The following KCTD16 variants were observed in gnomAD, a reference collection of about 807,000 sequenced individuals.
KCTD16 encodes potassium channel tetramerization domain containing 16, also known as BTB/POZ domain-containing protein KCTD16.
In KCTD16, 13 loss-of-function variants were observed where a neutral mutation model predicts 33.2. That is an observed-to-expected ratio of 0.39 (90% CI 0.25 to 0.62). The LOEUF is 0.62. Ranked by LOEUF, KCTD16 falls within the 20% of genes least tolerant of loss-of-function variation. KCTD16 has a pLI of 0.50. For synonymous variants in KCTD16, 197 were observed against 195.3 expected (o/e 1.01, Z -0.07); for missense variants, 441 against 525.1 (o/e 0.84, Z 1.57).
chr5:144,455,116 C>T (rs932477039), intron 3 of KCTD16, among the ~76,000 whole-genome samples: 30 of 152,146 alleles, frequency 2.0e-4, no homozygotes, highest in African/African-American at 6.7e-4. Context: ...TCCTTACCTC[C>T]AGCTTCTGTC....
intron 3 of KCTD16, among the ~76,000 whole-genome samples, chr5:144,362,339 A>G (rs572678938): frequency 1.8e-4 from 28 of 152,292 alleles, no homozygotes; most frequent in African/African-American, 6.5e-4. Flanking sequence ...ATGTTCATTT[A>G]CTATTTGAAT....
At chr5:144,196,339 T>C (rs1292384468) in intron 2 of KCTD16, among the ~76,000 whole-genome samples, 1 of 152,154 alleles carries the variant, frequency 6.6e-6, no homozygotes, top group Admixed American at 6.5e-5. Flanking sequence ...CATCAGTCAC[T>C]TCCATTGGGC....
At chr5:144,368,679 T>C (rs1198956378) in intron 3 of KCTD16, among the ~76,000 whole-genome samples, 1 of 152,178 alleles carries the variant, frequency 6.6e-6, no homozygotes, top group Non-Finnish European at 1.5e-5. Context: ...TTCTGACCCA[T>C]GCAAACTAGG....
chr5:144,411,203 C>T (rs1261305183), intron 3 of KCTD16, among the ~76,000 whole-genome samples: 2 of 152,082 alleles, frequency 1.3e-5, no homozygotes, highest in Non-Finnish European at 1.5e-5. Context: ...TTATATGGAA[C>T]CACAAAAGTC....
rs1269588337 is a variant in KCTD16, at chr5:144,485,100, CT to C, written c.*10987del. 1 of 151,852 alleles carries C rather than the reference CT, an allele frequency of 6.6e-6. No homozygotes were observed. Among genetic ancestry groups the C allele is most frequent in the Non-Finnish European group, 1.5e-5 (1 of 67,900 alleles). 9.4% of individuals were successfully genotyped at this position (151,852 alleles called of 1,614,324 possible). A position where few individuals can be genotyped will look rare whatever the true frequency, so the allele number is the denominator to read the frequency against. On this transcript the variant is annotated 3_prime_UTR_variant, in exon 4 of 4. Coordinates refer to ENST00000512467, the MANE Select transcript of KCTD16 (RefSeq NM_020768.4). ...ATAAACTACTGTGACTCTAATAACT[CT>C]AACTGTTTTTACCTTGGGATGTAAC...
intron 3 of KCTD16, among the ~76,000 whole-genome samples, chr5:144,465,686 A>G (rs1022252701): frequency 6.6e-6 from 1 of 151,186 alleles, no homozygotes; most frequent in African/African-American, 2.4e-5. Flanking sequence ...GTAGTTTATG[A>G]CTCATAAATG....
At chr5:144,361,325 T>A (rs998851407) in intron 3 of KCTD16, among the ~76,000 whole-genome samples, 1 of 152,114 alleles carries the variant, frequency 6.6e-6, no homozygotes, top group Non-Finnish European at 1.5e-5. Context: ...TGGTTCTAGA[T>A]TGTTGGGGAT....
intron 3 of KCTD16, among the ~76,000 whole-genome samples, chr5:144,450,662 G>A (rs1753920936): frequency 6.6e-6 from 1 of 151,974 alleles, no homozygotes; most frequent in South Asian, 2.1e-4. Context: ...AGATGAACCC[G>A]GAATACATTG....
chr5:144,266,749 G>A (rs1755155345), intron 3 of KCTD16, among the ~76,000 whole-genome samples: 3 of 151,940 alleles, frequency 2.0e-5, no homozygotes, highest in East Asian at 1.9e-4. Context: ...TGTGCACAAA[G>A]TATATGAACC....
chr5:144,227,468 G>A (rs967137687), intron 3 of KCTD16, among the ~76,000 whole-genome samples: 9 of 152,180 alleles, frequency 5.9e-5, no homozygotes, highest in African/African-American at 1.9e-4. Flanking sequence ...AGATTCTGTA[G>A]GGATTTATAG....
At chr5:144,441,222 A>G (rs930645336) in intron 3 of KCTD16, among the ~76,000 whole-genome samples, 8 of 150,720 alleles carry the variant, frequency 5.3e-5, no homozygotes, top group Non-Finnish European at 1.2e-4. Context: ...TTTCTTTTTC[A>G]TTTTCTCAGT....
rs547861629 is a variant in KCTD16 at position 144,328,623 on chromosome 5, G to A, written c.832+121077G>A. Among the ~76,000 whole-genome samples, 4 of 151,702 alleles carry A rather than the reference G, an allele frequency of 2.6e-5. No individual in the cohort carries two copies. In the South Asian group the frequency reaches 8.3e-4, roughly 31 times the overall value. Reference sequence around the variant, plus strand: ...TTCATGTGCATTACATCATCTATGTGTAAACTAACTGTGGCTCCTAAGGAC... The same window carrying A: ...TTCATGTGCATTACATCATCTATGTATAAACTAACTGTGGCTCCTAAGGAC... On this transcript the variant is annotated intron_variant, in intron 3 of 3. Coordinates refer to ENST00000512467, the MANE Select transcript of KCTD16 (RefSeq NM_020768.4).
intron 3 of KCTD16, among the ~76,000 whole-genome samples, chr5:144,440,506 G>T: frequency 6.6e-6 from 1 of 151,822 alleles, no homozygotes; most frequent in South Asian, 2.1e-4. Context: ...ATGACTTTTT[G>T]ATAGCCTAGC....
intron 3 of KCTD16, among the ~76,000 whole-genome samples, chr5:144,319,428 A>T (rs1371258374): frequency 6.6e-6 from 1 of 152,186 alleles, no homozygotes; most frequent in Non-Finnish European, 1.5e-5. Context: ...ATTTCCACCT[A>T]GCTTCCCTAA....
At chr5:144,446,022 GT>G (rs1254759516) in intron 3 of KCTD16, among the ~76,000 whole-genome samples, 2 of 151,580 alleles carry the variant, frequency 1.3e-5, no homozygotes, top group Admixed American at 1.3e-4. Flanking sequence ...CTACTTTCTT[GT>G]TTTTTCTTCT....
chr5:144,417,700 T>C (rs1753097189), intron 3 of KCTD16, among the ~76,000 whole-genome samples: 1 of 152,204 alleles, frequency 6.6e-6, no homozygotes, highest in Admixed American at 6.5e-5. Context: ...GATTTAGTTC[T>C]ATGCTTTTTT....
intron 3 of KCTD16, among the ~76,000 whole-genome samples, chr5:144,408,320 C>T (rs1752858551): frequency 6.6e-6 from 1 of 152,196 alleles, no homozygotes; most frequent in Non-Finnish European, 1.5e-5. Context: ...AGAGAATTCT[C>T]ACTGGGACTC....
intron 2 of KCTD16, among the ~76,000 whole-genome samples, chr5:144,192,034 G>A (rs1752851918): frequency 6.6e-6 from 1 of 152,082 alleles, no homozygotes; most frequent in South Asian, 2.1e-4. Flanking sequence ...TATAGGGCTT[G>A]GCAGGGTATG....
rs199689235 is a variant in KCTD16 at position 144,207,175 on chromosome 5, C to T, written c.461C>T (p.Ser154Phe). 2.9e-5 allele frequency: 46 copies of T among 1,612,860 alleles called. No homozygotes were observed. In the South Asian group the frequency reaches 4.7e-4, roughly 17 times the overall value. The stretch of plus-strand genomic sequence containing the variant: ...AGCGACACAAGAATCTGCCCCCCTT[C>T]CTCCCTGCTCCCTGCCGACCGCAAG... ...QGSDTRICPP[S>F]SLLPADRKWG... Residue 154 changes from serine (S) to phenylalanine (F), a missense_variant, in exon 3 of 4, where the codon TCC becomes TTC. Ser to Phe is a radical substitution (Grantham distance 155). Transcript: ENST00000512467.
Sources: gnomAD v4.1 joint callset for allele counts (sites outside exome capture counted in the v4.1 genomes callset) on GRCh38, gnomAD v4.1.1 for gene constraint, MANE v1.5 for transcripts, NCBI Gene and HGNC (gene_info 2026-07-23, HGNC 2026-07-21) for gene names.